PRRC2C: variants seen among roughly 807,000 people sequenced by gnomAD.
PRRC2C encodes proline rich coiled-coil 2C.
Under a neutral mutation model 317.2 loss-of-function variants are expected in PRRC2C, and 72 were observed. The observed-to-expected ratio is 0.23, with a 90% CI of 0.19 to 0.28. The LOEUF is 0.28. Among genes scored for constraint, PRRC2C ranks in the 10% least tolerant of loss-of-function variants. The probability of loss-of-function intolerance (pLI) is 1.00; values close to 1 mark genes in which losing one functional copy is unlikely to be tolerated. For synonymous variants in PRRC2C, 1,296 were observed against 1,205.9 expected (o/e 1.07, Z -1.55); for missense variants, 3,074 against 3,459.7 (o/e 0.89, Z 2.80).
At chr1:171,553,747 G>A (rs1216618049) in intron 18 of PRRC2C, among the ~76,000 whole-genome samples, 1 of 152,188 alleles carries the variant, frequency 6.6e-6, no homozygotes, top group Non-Finnish European at 1.5e-5. Flanking sequence ...TTTAGGAGCA[G>A]GTTGTTCAGT....
At chr1:171,518,953 G>T (rs1673031030) in intron 6 of PRRC2C, among the ~76,000 whole-genome samples, 1 of 151,082 alleles carries the variant, frequency 6.6e-6, no homozygotes, top group East Asian at 1.9e-4. Context: ...CATGATGTCG[G>T]CTCACTGCAA....
At chr1:171,551,495 G>T (rs1680236217) in intron 18 of PRRC2C, among the ~76,000 whole-genome samples, 1 of 152,146 alleles carries the variant, frequency 6.6e-6, no homozygotes, top group African/African-American at 2.4e-5. Context: ...TTTGGCTTTT[G>T]TTGCCATTGC....
In PRRC2C at chr1:171,592,612, A is replaced by C. The variant is rs769664675; in HGVS notation, c.*765A>C. The C allele has an allele frequency of 6.6e-6, 1 of 152,186 alleles. No individual in the cohort carries two copies. The highest frequency in any genetic ancestry group is 1.5e-5 in the Non-Finnish European group (1 of 68,042). 9.4% of individuals were successfully genotyped at this position (152,186 alleles called of 1,614,324 possible). On this transcript the variant is annotated 3_prime_UTR_variant, in exon 35 of 35. Transcript: ENST00000647382. ...TTCTTCCATGGAGCTCTCACGATTC[A>C]AACATGACAGATTTGGTAAAATGCT...
At chr1:171,564,199 A>G (rs956727186) in intron 20 of PRRC2C, among the ~76,000 whole-genome samples, 1 of 152,174 alleles carries the variant, frequency 6.6e-6, no homozygotes, top group South Asian at 2.1e-4. Context: ...AGAACTCTTA[A>G]TGATTATTTT....
chr1:171,577,369 T>C lies in PRRC2C; in HGVS notation c.6956-65T>C. Reference sequence around the variant, plus strand: ...TAATTTTGCAGTTTCTGGTTGGTACTGTGAACAATAGCAACACTTTTAAAT... The same window carrying C: ...TAATTTTGCAGTTTCTGGTTGGTACCGTGAACAATAGCAACACTTTTAAAT... On this transcript the variant is annotated intron_variant, in intron 25 of 34. Transcript: ENST00000647382. The C allele has an allele frequency of 2.1e-6, 3 of 1,398,568 alleles. 1 individual carries two copies. Among genetic ancestry groups the C allele is most frequent in the Middle Eastern group, 1.8e-4 (1 of 5,672 alleles). 86.6% of individuals were successfully genotyped at this position (1,398,568 alleles called of 1,614,324 possible).
intron 6 of PRRC2C, among the ~76,000 whole-genome samples, chr1:171,518,063 T>C (rs1220580732): frequency 6.6e-6 from 1 of 152,220 alleles, no homozygotes; most frequent in Non-Finnish European, 1.5e-5. Flanking sequence ...AACACCTAGC[T>C]GTTTTATTTG....
At chr1:171,544,629 A>T (rs903207484) in intron 16 of PRRC2C, among the ~76,000 whole-genome samples, 8 of 152,226 alleles carry the variant, frequency 5.3e-5, no homozygotes, top group Non-Finnish European at 8.8e-5. Flanking sequence ...GAAAATTTTG[A>T]TAAGATTTTT....
Position 171,566,721 on chromosome 1 carries a change from C to T in PRRC2C, c.6436C>T (p.Pro2146Ser). Residue 2146 changes from proline to serine, a missense_variant, in exon 22 of 35, where the codon CCA (proline) becomes TCA (serine). By Grantham distance (74) the Pro-to-Ser change is moderately conservative. This residue lies in a region of PRRC2C where 640 missense variants were observed against 676.1 expected (regional missense o/e 0.95). Coordinates refer to ENST00000647382, the MANE Select transcript of PRRC2C (RefSeq NM_001387844.1). The part of the protein sequence containing the change: ...VEPEGQEKPS[P>S]ATVRSTDPVT... ...GCCAGAAGGACAAGAGAAACCAAGC[C>T]CAGCTACAGTCAGAAGCACAGATCC... 3 of 1,613,620 alleles carry T rather than the reference C, an allele frequency of 1.9e-6. No homozygotes were observed. Among genetic ancestry groups the T allele is most frequent in the Non-Finnish European group, 2.5e-6 (3 of 1,179,774 alleles).
At chr1:171,549,844 G>A (rs904181719) in intron 17 of PRRC2C, among the ~76,000 whole-genome samples, 2 of 152,192 alleles carry the variant, frequency 1.3e-5, no homozygotes, top group African/African-American at 2.4e-5. Context: ...TTACAGACGT[G>A]AGCCACTGCA....
rs200371697 is a variant in PRRC2C at position 171,540,351 on chromosome 1, T to C, written c.2885T>C (p.Ile962Thr). 31 of 1,612,878 alleles carry C rather than the reference T, an allele frequency of 1.9e-5. No individual in the cohort carries two copies. The highest frequency in any genetic ancestry group is 1.7e-4 in the African/African-American group (13 of 74,836). ...TSRCIDSKEP[I>T]ERPEEKPKKE... ...AGATGCATTGATTCAAAAGAACCAA[T>C]AGAAAGGCCAGAGGAGAAACCAAAA... Residue 962 changes from isoleucine to threonine, a missense_variant, in exon 16 of 35, where the codon ATA becomes ACA. By Grantham distance (89) the Ile-to-Thr change is moderately conservative. Around this residue, in one of 11 missense-constraint regions of PRRC2C, gnomAD observed 1,320 missense variants for 1,395.7 expected, o/e 0.95. Coordinates refer to ENST00000647382, the MANE Select transcript of PRRC2C (RefSeq NM_001387844.1).
chr1:171,585,948 A>G (rs995540070), intron 30 of PRRC2C, among the ~76,000 whole-genome samples: 2 of 152,116 alleles, frequency 1.3e-5, no homozygotes, highest in Non-Finnish European at 2.9e-5. Flanking sequence ...TGTTTCATAC[A>G]TACTTTATAC....
intron 1 of PRRC2C, among the ~76,000 whole-genome samples, chr1:171,486,087 T>A (rs1038464397): frequency 4.7e-5 from 7 of 147,720 alleles, no homozygotes; most frequent in Non-Finnish European, 1.0e-4. Context: ...TCCGTCTTCC[T>A]GGACTGGCGG....
chr1:171,497,418 G>T (rs1203214141), intron 1 of PRRC2C, among the ~76,000 whole-genome samples: 2 of 152,134 alleles, frequency 1.3e-5, no homozygotes, highest in Admixed American at 6.6e-5. Flanking sequence ...GTAATTTTCA[G>T]TGATTTAGGC....
At position 171,579,898 on chromosome 1, in the gene PRRC2C, G is replaced by A; in HGVS notation, c.7343G>A (p.Ser2448Asn). The change falls in exon 28 of 35, where the codon AGT becomes AAT. Residue 2448 changes from serine (S) to asparagine (N), a missense_variant. Around this residue, in one of 11 missense-constraint regions of PRRC2C, gnomAD observed 490 missense variants for 663.1 expected, o/e 0.74. Transcript: ENST00000647382. ...PLQGQHQAQL[S>N]LGAGPAVSQA... ...CAAGGGCAGCATCAAGCCCAACTGA[G>A]TTTGGGGGCTGGCCCTGCTGTTTCC... The A allele has an allele frequency of 2.5e-6, 4 of 1,600,762 alleles. No individual in the cohort carries two copies. The highest frequency in any genetic ancestry group is 3.4e-6 in the Non-Finnish European group (4 of 1,174,978).
In PRRC2C at chr1:171,540,830, A is replaced by C; in HGVS notation, c.3364A>C (p.Lys1122Gln). The C allele has an allele frequency of 6.2e-7, 1 of 1,613,806 alleles. No individual in the cohort carries two copies. Among genetic ancestry groups the C allele is most frequent in the South Asian group, 1.1e-5 (1 of 91,060 alleles). ...TACTGTTCAGGTAGAGCCTGCAGTT[A>C]AGACTGTAAACCAACAGACTATGGC... ...VSTVQVEPAV[K>Q]TVNQQTMAAP... The change falls in exon 16 of 35, where the codon AAG (lysine) becomes CAG (glutamine). Residue 1122 changes from lysine (K) to glutamine (Q), a missense_variant. By Grantham distance (53) the Lys-to-Gln change is moderately conservative. This residue lies in a region of PRRC2C where 1,320 missense variants were observed against 1,395.7 expected (regional missense o/e 0.95). Coordinates refer to ENST00000647382, the MANE Select transcript of PRRC2C (RefSeq NM_001387844.1).
At chr1:171,579,210 T>C in intron 26 of PRRC2C, 144 bp from the exon 27 acceptor site, 4 of 1,141,702 alleles carry the variant, frequency 3.5e-6, no homozygotes, top group Non-Finnish European at 4.7e-6. Flanking sequence ...TTGCATCTTG[T>C]CACGTTTTTA....
At chr1:171,517,918 C>A in intron 6 of PRRC2C, 104 bp downstream of exon 6, 3 of 898,254 alleles carry the variant, frequency 3.3e-6, no homozygotes, top group Non-Finnish European at 5.0e-6. Context: ...TTTTCATTAA[C>A]ATCTAACTAA....
At chr1:171,504,517 A>G (rs1402634557) in intron 1 of PRRC2C, among the ~76,000 whole-genome samples, 1 of 152,166 alleles carries the variant, frequency 6.6e-6, no homozygotes, top group Non-Finnish European at 1.5e-5. Context: ...CTCCAGTATC[A>G]TTTTTGGGAA....
chr1:171,584,891 C>T (rs1456665394), intron 30 of PRRC2C, among the ~76,000 whole-genome samples: 1 of 152,178 alleles, frequency 6.6e-6, no homozygotes, highest in Non-Finnish European at 1.5e-5. Flanking sequence ...TGCACCGCAG[C>T]CTCCTGTGTA....
Sources: gnomAD v4.1 joint callset for allele counts (sites outside exome capture counted in the v4.1 genomes callset) on GRCh38, gnomAD v4.1.1 for gene constraint, gnomAD v4.1.1 regional missense constraint, MANE v1.5 for transcripts, NCBI Gene and HGNC (gene_info 2026-07-23, HGNC 2026-07-21) for gene names.